The following RNF180 variants were observed in gnomAD, a reference collection of about 807,000 sequenced individuals.
The protein encoded by RNF180 is ring finger protein 180, also known as E3 ubiquitin-protein ligase RNF180.
In RNF180, 38 loss-of-function variants were observed where a neutral mutation model predicts 59.2. The observed-to-expected ratio is 0.64, with a 90% CI of 0.50 to 0.84. The LOEUF (loss-of-function observed/expected upper bound fraction) is 0.84, where lower values mean the gene tolerates loss of function less well. Among genes scored for constraint, RNF180 ranks in the 40% least tolerant of loss-of-function variants. The pLI, the probability that RNF180 is intolerant of heterozygous loss-of-function variation, is 0.00. For missense variants in RNF180, 705 were observed against 700.9 expected, an observed-to-expected ratio of 1.01 and a Z score of -0.07; for synonymous variants, 262 against 240.3, an observed-to-expected ratio of 1.09 and a Z score of -0.84.
intron 5 of RNF180, among the ~76,000 whole-genome samples, chr5:64,319,918 A>T (rs565334823): frequency 2.0e-4 from 31 of 152,350 alleles, no homozygotes; most frequent in African/African-American, 7.5e-4. Context: ...GGAACTTTGT[A>T]TTCATTAAAA....
chr5:64,255,444 G>T (rs772053893), intron 5 of RNF180, among the ~76,000 whole-genome samples: 4 of 152,150 alleles, frequency 2.6e-5, no homozygotes, highest in Non-Finnish European at 4.4e-5. Flanking sequence ...GTGAGAACAT[G>T]TGGTGTATGG....
chr5:64,347,554 G>A (rs79984982), intron 7 of RNF180, among the ~76,000 whole-genome samples: 6,866 of 152,126 alleles, frequency 0.045, 510 homozygotes, highest in African/African-American at 0.15. Context: ...TCCCATAACT[G>A]TAGCTGCATT....
intron 2 of RNF180, among the ~76,000 whole-genome samples, chr5:64,211,761 G>T (rs1752324383): frequency 6.6e-6 from 1 of 152,118 alleles, no homozygotes; most frequent in Admixed American, 6.6e-5. Context: ...TGTCTCACAT[G>T]CAGAAAAAGA....
chr5:64,201,964 C>T (rs1046598043), intron 2 of RNF180, among the ~76,000 whole-genome samples: 6 of 152,264 alleles, frequency 3.9e-5, no homozygotes, highest in Middle Eastern at 3.4e-3. Context: ...TGGTCTCGAA[C>T]CGAATACTTT....
intron 2 of RNF180, among the ~76,000 whole-genome samples, chr5:64,208,447 T>G (rs1418168247): frequency 1.3e-5 from 2 of 152,040 alleles, no homozygotes; most frequent in Non-Finnish European, 2.9e-5. Context: ...TGCCTCCAGT[T>G]TCATCACTCA....
Position 64,212,084 on chromosome 5 carries a change from A to G in RNF180, c.155A>G (p.Asp52Gly), listed in dbSNP as rs1222082370. Residue 52 changes from aspartate (D) to glycine (G), a missense_variant, in exon 3 of 8, where the codon GAT becomes GGT. Transcript: ENST00000389100. ...QVIKDKDDSV[D>G]AQNICHVWHM... ...TAACAGGATAAAGATGATTCAGTTG[A>G]TGCTCAAAATATTTGTCATGTGTGG... 1.3e-6 allele frequency: 2 copies of G among 1,594,216 alleles called. No individual in the cohort carries two copies. The highest frequency in any genetic ancestry group is 1.3e-5 in the African/African-American group (1 of 74,694).
chr5:64,207,861 A>G (rs1259638331), intron 2 of RNF180, among the ~76,000 whole-genome samples: 2 of 152,104 alleles, frequency 1.3e-5, no homozygotes, highest in African/African-American at 2.4e-5. Context: ...TTTTTGTTAC[A>G]TAGTCTTTTC....
chr5:64,275,167 T>A (rs1363962937), intron 5 of RNF180, among the ~76,000 whole-genome samples: 1 of 151,692 alleles, frequency 6.6e-6, no homozygotes, highest in African/African-American at 2.4e-5. Context: ...GTAACATACA[T>A]GTCTGTATAT....
At chr5:64,325,089 C>T (rs1270617683) in intron 5 of RNF180, 97 bp from the exon 6 acceptor site, 4 of 724,402 alleles carry the variant, frequency 5.5e-6, no homozygotes, top group Non-Finnish European at 7.0e-6. Context: ...TTATATGCTT[C>T]TCAAATATTT....
intron 1 of RNF180, among the ~76,000 whole-genome samples, chr5:64,172,614 T>A (rs1750001296): frequency 6.6e-6 from 1 of 152,248 alleles, no homozygotes; most frequent in South Asian, 2.1e-4. Flanking sequence ...TAGTATCTGA[T>A]GATAAATGTA....
At chr5:64,173,593 G>A (rs567865785) in intron 1 of RNF180, among the ~76,000 whole-genome samples, 24 of 152,012 alleles carry the variant, frequency 1.6e-4, no homozygotes, top group African/African-American at 4.3e-4. Flanking sequence ...CTGCAAGTTC[G>A]TACCTATTGA....
At chr5:64,238,630 A>G (rs1742594031) in intron 5 of RNF180, among the ~76,000 whole-genome samples, 1 of 152,028 alleles carries the variant, frequency 6.6e-6, no homozygotes, top group Non-Finnish European at 1.5e-5. Flanking sequence ...GTTCATTTGC[A>G]TGTCTTCTTT....
intron 1 of RNF180, among the ~76,000 whole-genome samples, chr5:64,178,317 C>T (rs1750372516): frequency 6.6e-6 from 1 of 152,090 alleles, no homozygotes; most frequent in Admixed American, 6.6e-5. Context: ...CTTTTCCAGT[C>T]CTTTGATCTC....
At chr5:64,217,011 A>T (rs906798307) in intron 4 of RNF180, among the ~76,000 whole-genome samples, 23 of 152,178 alleles carry the variant, frequency 1.5e-4, no homozygotes, top group Non-Finnish European at 2.9e-4. Flanking sequence ...TCCCGTCCCT[A>T]ATCCCTGAAA....
At chr5:64,346,639 G>C (rs1745572419) in intron 7 of RNF180, among the ~76,000 whole-genome samples, 1 of 151,810 alleles carries the variant, frequency 6.6e-6, no homozygotes, top group African/African-American at 2.4e-5. Flanking sequence ...CAAAGTGCTG[G>C]GATTACAAGC....
intron 5 of RNF180, among the ~76,000 whole-genome samples, chr5:64,224,063 GT>G (rs1741518037): frequency 7.4e-4 from 20 of 27,128 alleles, no homozygotes; most frequent in Admixed American, 2.6e-3. Context: ...CTAGGTTGGG[GT>G]GTGTGTGTGT....
At chr5:64,236,720 C>T (rs183736913) in intron 5 of RNF180, among the ~76,000 whole-genome samples, 69 of 152,210 alleles carry the variant, frequency 4.5e-4, no homozygotes, top group African/African-American at 1.6e-3. Flanking sequence ...CCATTCCAGG[C>T]CCCCTGCTGC....
chr5:64,225,103 G>A (rs1326400450), intron 5 of RNF180, among the ~76,000 whole-genome samples: 2 of 152,094 alleles, frequency 1.3e-5, no homozygotes, highest in Admixed American at 6.5e-5. Flanking sequence ...GCTTGTTAGG[G>A]GAAAAAATCA....
At chr5:64,249,510 G>C (rs1217510232) in intron 5 of RNF180, among the ~76,000 whole-genome samples, 1 of 151,880 alleles carries the variant, frequency 6.6e-6, no homozygotes, top group Non-Finnish European at 1.5e-5. Flanking sequence ...CAGACAAACA[G>C]AATCTAATGG....
Sources: gnomAD v4.1 joint callset for allele counts (sites outside exome capture counted in the v4.1 genomes callset) on GRCh38, gnomAD v4.1.1 for gene constraint, MANE v1.5 for transcripts, NCBI Gene and HGNC (gene_info 2026-07-23, HGNC 2026-07-21) for gene names.